The following SCNN1G variants were observed in gnomAD, a reference collection of about 807,000 sequenced individuals.
The protein encoded by SCNN1G is sodium channel epithelial 1 subunit gamma.
Under a neutral mutation model 64.6 loss-of-function variants are expected in SCNN1G, and 27 were observed. The ratio of observed to expected loss-of-function variants is 0.42; its 90% CI spans 0.31 to 0.58. The LOEUF is 0.58. Among genes scored for constraint, SCNN1G ranks in the 20% least tolerant of loss-of-function variants. SCNN1G has a pLI of 0.18. For synonymous variants in SCNN1G, 330 were observed against 314.2 expected (o/e 1.05, Z -0.53); for missense variants, 743 against 823.4 (o/e 0.90, Z 1.19).
chr16:23,212,003 A>G (rs778232993), intron 7 of SCNN1G, 31 bp from the exon 8 acceptor site: 1 of 1,473,550 alleles, frequency 6.8e-7, no homozygotes, highest in Non-Finnish European at 9.5e-7. Context: ...GAGCAAAGAC[A>G]TGAATGGCAT....
rs751732563 is a variant in SCNN1G at position 23,186,535 on chromosome 16, C to T, written c.264C>T (p.His88=). Residue 88 remains histidine (H), a synonymous_variant, in exon 2 of 13, where the codon CAC becomes CAT. Coordinates refer to ENST00000300061, the MANE Select transcript of SCNN1G (RefSeq NM_001039.4). ...FYTVSVSIKV[H]FRKLDFPAVT... The stretch of plus-strand genomic sequence containing the variant: ...CTGTCTCAGTTTCCATCAAAGTCCA[C>T]TTCCGGAAGCTGGATTTTCCTGCAG... 2.5e-6 allele frequency: 4 copies of T among 1,613,888 alleles called. No individual in the cohort carries two copies. In the South Asian group the frequency reaches 3.3e-5, roughly 13 times the overall value.
intron 1 of SCNN1G, among the ~76,000 whole-genome samples, chr16:23,184,412 T>C (rs1959571889): frequency 6.6e-6 from 1 of 152,226 alleles, no homozygotes; most frequent in East Asian, 1.9e-4. Context: ...TTTTTTTCTT[T>C]CTTTCCTTCT....
At chr16:23,194,316 A>G (rs1306010667) in intron 5 of SCNN1G, 42 bp downstream of exon 5, 2 of 1,329,722 alleles carry the variant, frequency 1.5e-6, no homozygotes, top group Non-Finnish European at 2.2e-6. Context: ...GCCCTCCAAT[A>G]GTGGACATGG....
intron 6 of SCNN1G, among the ~76,000 whole-genome samples, chr16:23,207,541 G>A (rs1439068507): frequency 6.6e-6 from 1 of 152,190 alleles, no homozygotes. Flanking sequence ...TATTTATTCT[G>A]TACTGACATA....
chr16:23,184,445 T>A (rs2141925968), intron 1 of SCNN1G, among the ~76,000 whole-genome samples: 1 of 152,336 alleles, frequency 6.6e-6, no homozygotes, highest in East Asian at 1.9e-4. Flanking sequence ...TTTTTATTTT[T>A]TTGGATTGTA....
intron 1 of SCNN1G, among the ~76,000 whole-genome samples, chr16:23,184,015 G>T (rs548894434): frequency 1.3e-5 from 2 of 152,338 alleles, no homozygotes; most frequent in Admixed American, 1.3e-4. Context: ...CAGCTGCAAA[G>T]TACTTAGAAG....
In SCNN1G at chr16:23,189,741, C is replaced by T. The variant is rs1033409806; in HGVS notation, c.618+70C>T. On this transcript the variant is annotated intron_variant, in intron 3 of 12. Coordinates refer to ENST00000300061, the MANE Select transcript of SCNN1G (RefSeq NM_001039.4). ...ATGGGCTGGGTCCAGGACTCTTCTCCTTGACCACTAGCCCCTGTGGTCCAA... is the reference window on the plus strand; with the variant it reads ...ATGGGCTGGGTCCAGGACTCTTCTCTTTGACCACTAGCCCCTGTGGTCCAA... 3 of 1,417,018 alleles carry T rather than the reference C, an allele frequency of 2.1e-6. No individual in the cohort carries two copies. In the African/African-American group the frequency reaches 4.2e-5, roughly 20 times the overall value. The allele number at this position is 1,417,018 out of a possible 1,614,324, so 87.8% of individuals were successfully genotyped here. A position where few individuals can be genotyped will look rare whatever the true frequency, so the allele number is the denominator to read the frequency against.
rs138309350 is a variant in SCNN1G at position 23,192,417 on chromosome 16, G to A, written c.684G>A (p.Glu228=). The change falls in exon 4 of 13, where the codon GAG becomes GAA. Residue 228 remains glutamate, a synonymous_variant. Transcript: ENST00000300061. The part of the protein sequence containing the change: ...TFSSGINAIQ[E]WYKLHYMNIM... ...GCTCGGGAATCAATGCCATTCAGGAGTGGTATAAGCTACACTACATGAACA... is the reference window on the plus strand; with the variant it reads ...GCTCGGGAATCAATGCCATTCAGGAATGGTATAAGCTACACTACATGAACA... The A allele has an allele frequency of 4.3e-6, 7 of 1,613,940 alleles. No individual in the cohort carries two copies. The highest frequency in any genetic ancestry group is 4.2e-6 in the Non-Finnish European group (5 of 1,179,906).
At chr16:23,203,021 AC>A (rs1959917780) in intron 6 of SCNN1G, among the ~76,000 whole-genome samples, 1 of 152,202 alleles carries the variant, frequency 6.6e-6, no homozygotes, top group Admixed American at 6.5e-5. Context: ...CTGAGACAGA[AC>A]CCTAAACATG....
intron 11 of SCNN1G, among the ~76,000 whole-genome samples, chr16:23,213,823 C>T (rs964123537): frequency 1.3e-5 from 2 of 152,240 alleles, no homozygotes; most frequent in Non-Finnish European, 2.9e-5. Context: ...GAGGTACTTA[C>T]ACTCTAATGA....
At chr16:23,209,233 T>A (rs1960040327) in intron 6 of SCNN1G, among the ~76,000 whole-genome samples, 1 of 152,068 alleles carries the variant, frequency 6.6e-6, no homozygotes, top group South Asian at 2.1e-4. Context: ...GCTCAAGTGA[T>A]CCCCCCATCT....
Position 23,192,551 on chromosome 16 carries a change from A to G in SCNN1G, c.809+9A>G. On this transcript the variant is annotated intron_variant, in intron 4 of 12. Coordinates refer to ENST00000300061, the MANE Select transcript of SCNN1G (RefSeq NM_001039.4). ...GTGTCCTGTGATGCCAGGTCAGGAG[A>G]GAATGCTGCTCTCTCAGCCTCTAAG... is the stretch of plus-strand genomic sequence containing the variant. 2 of 1,608,472 alleles carry G rather than the reference A, an allele frequency of 1.2e-6. No homozygotes were observed. Among genetic ancestry groups the G allele is most frequent in the Non-Finnish European group, 1.7e-6 (2 of 1,177,452 alleles).
intron 6 of SCNN1G, among the ~76,000 whole-genome samples, chr16:23,208,501 T>C (rs1960027073): frequency 6.6e-6 from 1 of 152,152 alleles, no homozygotes; most frequent in African/African-American, 2.4e-5. Flanking sequence ...AGTCAACTTC[T>C]GGGACCAGAA....
At chr16:23,192,930 A>G (rs1482947513) in intron 4 of SCNN1G, among the ~76,000 whole-genome samples, 3 of 151,896 alleles carry the variant, frequency 2.0e-5, no homozygotes, top group Middle Eastern at 3.4e-3. Context: ...TTAGCCAGGC[A>G]TGGTGGTGCA....
At chr16:23,214,825 C>A in intron 12 of SCNN1G, 38 bp downstream of exon 12, 1 of 1,500,482 alleles carries the variant, frequency 6.7e-7, no homozygotes, top group Non-Finnish European at 9.3e-7. Flanking sequence ...CTGTCCTGGG[C>A]CTACAAATGT....
intron 3 of SCNN1G, among the ~76,000 whole-genome samples, chr16:23,191,125 G>A (rs925004970): frequency 6.6e-6 from 1 of 151,998 alleles, no homozygotes; most frequent in Non-Finnish European, 1.5e-5. Flanking sequence ...GATTACAGGC[G>A]TGAGCCACCG....
intron 6 of SCNN1G, among the ~76,000 whole-genome samples, chr16:23,203,455 A>G (rs779625645): frequency 4.6e-5 from 7 of 152,134 alleles, no homozygotes; most frequent in Non-Finnish European, 8.8e-5. Flanking sequence ...TCACAAGTTC[A>G]GTCTATGCCA....
rs369043678 is a variant in SCNN1G, at chr16:23,187,968, C to T, written c.317+1380C>T. On this transcript the variant is annotated intron_variant, in intron 2 of 12. Transcript: ENST00000300061. ...CTCAAAATCAAGATCAAGTCTAAGA[C>T]TCTCTCTCCGCCCTCCATGTCTTCC... Among the ~76,000 whole-genome samples the T allele has an allele frequency of 2.3e-4, 35 of 152,250 alleles. 1 individual carries two copies. In the East Asian group the frequency reaches 5.8e-3, roughly 25 times the overall value.
At chr16:23,211,895 C>G in intron 7 of SCNN1G, 139 bp from the exon 8 acceptor site, 1 of 751,240 alleles carries the variant, frequency 1.3e-6, no homozygotes, top group South Asian at 1.4e-5. Flanking sequence ...CCATGCCCAG[C>G]CCAGTTGGCA....
Sources: allele counts gnomAD v4.1 joint callset (sites outside exome capture counted in the v4.1 genomes callset), GRCh38; gene constraint gnomAD v4.1.1; transcripts MANE v1.5; gene names NCBI Gene and HGNC (gene_info 2026-07-23, HGNC 2026-07-21).